BUB3: variants seen among roughly 807,000 people sequenced by gnomAD.
BUB3 encodes BUB3 mitotic checkpoint protein, also known as mitotic checkpoint protein BUB3.
A neutral mutation model predicts 39.9 loss-of-function variants in BUB3; 22 were observed. That is an observed-to-expected ratio of 0.55 (90% CI 0.39 to 0.79). The LOEUF (loss-of-function observed/expected upper bound fraction) is 0.79, where lower values mean the gene tolerates loss of function less well. BUB3 is among the 30% of genes least tolerant of loss of function. The pLI is 0.00. For missense variants in BUB3, 303 were observed against 415.4 expected, an observed-to-expected ratio of 0.73 and a Z score of 2.35; for synonymous variants, 168 against 155.1, an observed-to-expected ratio of 1.08 and a Z score of -0.62.
At position 123,162,565 on chromosome 10, in the gene BUB3, G is replaced by T. The variant is rs200887768; in HGVS notation, c.755-47G>T. The T allele has an allele frequency of 3.2e-4, 497 of 1,564,020 alleles. 1 individual carries two copies. The African/African-American group carries it at 6.1e-3, about 19-fold the overall frequency. On this transcript the variant is annotated intron_variant, in intron 6 of 7. Transcript: ENST00000368865. ...AACTGTTAAGAGAATGGTTATTTCTGTATCTGGTGTTAAGAACCATTTTAA... is the reference window on the plus strand; with the variant it reads ...AACTGTTAAGAGAATGGTTATTTCTTTATCTGGTGTTAAGAACCATTTTAA...
intron 1 of BUB3, among the ~76,000 whole-genome samples, chr10:123,154,697 G>C (rs1844322551): frequency 1.3e-5 from 2 of 152,204 alleles, no homozygotes; most frequent in African/African-American, 4.8e-5. Context: ...CTGGGTTTAG[G>C]GGGACGGCGG....
At chr10:123,156,881 C>G (rs1844355094) in intron 3 of BUB3, among the ~76,000 whole-genome samples, 1 of 152,004 alleles carries the variant, frequency 6.6e-6, no homozygotes. Context: ...GTAGCTGGGA[C>G]TACAGGTGTG....
chr10:123,158,335 T>C (rs1201935921), intron 4 of BUB3, among the ~76,000 whole-genome samples: 1 of 152,242 alleles, frequency 6.6e-6, no homozygotes, highest in Non-Finnish European at 1.5e-5. Flanking sequence ...AAAGGTGTTT[T>C]ATGTTCCCTG....
Position 123,165,285 on chromosome 10 carries a change from TCTGAA to T in BUB3, c.*1452_*1456del, listed in dbSNP as rs536537724. ...TCCCCTAGTAAGCCCAGTTGCTGTA[TCTGAA>T]CAGTTTGAGCTCTTTTTGTAATATA... On this transcript the variant is annotated 3_prime_UTR_variant, in exon 8 of 8. Coordinates refer to ENST00000368865, the MANE Select transcript of BUB3 (RefSeq NM_004725.4). The T allele has an allele frequency of 1.1e-4, 50 of 473,370 alleles. No individual in the cohort carries two copies. Among genetic ancestry groups the T allele is most frequent in the African/African-American group, 9.3e-4 (48 of 51,768 alleles). 29.3% of individuals were successfully genotyped at this position (473,370 alleles called of 1,614,324 possible).
At position 123,155,659 on chromosome 10, in the gene BUB3, A is replaced by C; in HGVS notation, c.197A>C (p.Asp66Ala). Residue 66 changes from aspartate to alanine, a missense_variant and splice_region_variant, in exon 3 of 8, where the codon GAT becomes GCT. By Grantham distance (126) the Asp-to-Ala change is moderately radical. This residue lies in a region of BUB3 where 121 missense variants were observed against 122.3 expected (regional missense o/e 0.99). Coordinates refer to ENST00000368865, the MANE Select transcript of BUB3 (RefSeq NM_004725.4). ...AAACGGTTCAAAACTATTTTATAGG[A>C]TCCAACGCATGCCTGGAGTGGAGGA... ...TGAVLDCAFY[D>A]PTHAWSGGLD... The C allele has an allele frequency of 1.2e-6, 2 of 1,613,924 alleles. No homozygotes were observed. The highest frequency in any genetic ancestry group is 2.2e-5 in the East Asian group (1 of 44,880).
rs187608050 is a variant in BUB3 at position 123,165,880 on chromosome 10, A to G, written c.*2045A>G. ...TTCTTTAGTGTGATTATGTGCTTCT[A>G]AAAGTCCCTAACCACTTGGTTGAGG... is the stretch of plus-strand genomic sequence containing the variant. On this transcript the variant is annotated 3_prime_UTR_variant, in exon 8 of 8. Transcript: ENST00000368865. 14 of 152,334 alleles carry G rather than the reference A, an allele frequency of 9.2e-5. No homozygotes were observed. Among genetic ancestry groups the G allele is most frequent in the African/African-American group, 2.9e-4 (12 of 41,574 alleles). The allele number at this position is 152,334 out of a possible 1,614,324, so 9.4% of individuals were successfully genotyped here.
rs1460383901 is a variant in BUB3, at chr10:123,166,462, T to G, written c.*2627T>G. 6.6e-6 allele frequency: 1 copy of G among 152,218 alleles called. No individual in the cohort carries two copies. The highest frequency in any genetic ancestry group is 1.9e-4 in the East Asian group (1 of 5,200). The allele number at this position is 152,218 out of a possible 1,614,324, so 9.4% of individuals were successfully genotyped here. A position where few individuals can be genotyped will look rare whatever the true frequency, so the allele number is the denominator to read the frequency against. Reference sequence around the variant, plus strand: ...CGATGTATCTGGTGCATGTGTGCATTTTTTTCTTTGCTTTTTAAGAAATCC... The same window carrying G: ...CGATGTATCTGGTGCATGTGTGCATGTTTTTCTTTGCTTTTTAAGAAATCC... On this transcript the variant is annotated 3_prime_UTR_variant, in exon 8 of 8. Transcript: ENST00000368865.
intron 5 of BUB3, among the ~76,000 whole-genome samples, chr10:123,161,363 C>G (rs889933646): frequency 6.6e-6 from 1 of 152,148 alleles, no homozygotes; most frequent in African/African-American, 2.4e-5. Flanking sequence ...AAATGGTGAT[C>G]ACAGTTCCTT....
chr10:123,167,859 C>T lies in BUB3; in HGVS notation c.*4024C>T, dbSNP rs1034064652. ...ACATGTATACATTGTGAAATGATTA[C>T]CACAAGGAGGTTACTAAACATCTCC... is the stretch of plus-strand genomic sequence containing the variant. On this transcript the variant is annotated 3_prime_UTR_variant, in exon 8 of 8. Coordinates refer to ENST00000368865, the MANE Select transcript of BUB3 (RefSeq NM_004725.4). 1 of 152,022 alleles carries T rather than the reference C, an allele frequency of 6.6e-6. No homozygotes were observed. The highest frequency in any genetic ancestry group is 2.4e-5 in the African/African-American group (1 of 41,338). 9.4% of individuals were successfully genotyped at this position (152,022 alleles called of 1,614,324 possible).
In BUB3 at chr10:123,156,053, C is replaced by T. The variant is rs1020612203; in HGVS notation, c.265+326C>T. On this transcript the variant is annotated intron_variant, in intron 3 of 7. Coordinates refer to ENST00000368865, the MANE Select transcript of BUB3 (RefSeq NM_004725.4). Reference sequence around the variant, plus strand: ...AGCGTTTCATTAGGATTTTCCACTACAATGCTGATGTTTTGAGAGTTCAGT... The same window carrying T: ...AGCGTTTCATTAGGATTTTCCACTATAATGCTGATGTTTTGAGAGTTCAGT... Among the ~76,000 whole-genome samples the T allele has an allele frequency of 5.1e-4, 77 of 152,156 alleles. 1 individual carries two copies. Among genetic ancestry groups the T allele is most frequent in the Non-Finnish European group, 9.8e-4 (67 of 68,032 alleles).
At chr10:123,158,118 T>C (rs961724180) in intron 4 of BUB3, among the ~76,000 whole-genome samples, 2 of 152,238 alleles carry the variant, frequency 1.3e-5, no homozygotes. Context: ...TTCCATGTAT[T>C]GTTAATGCTT....
intron 3 of BUB3, among the ~76,000 whole-genome samples, chr10:123,156,933 C>A (rs1369792658): frequency 1.3e-5 from 2 of 151,840 alleles, no homozygotes; most frequent in African/African-American, 4.8e-5. Flanking sequence ...TTAGTAGAGG[C>A]GGGGTTTCAC....
Position 123,155,734 on chromosome 10 carries a change from T to G in BUB3, c.265+7T>G. 1 of 1,612,630 alleles carries G rather than the reference T, an allele frequency of 6.2e-7. No individual in the cohort carries two copies. Among genetic ancestry groups the G allele is most frequent in the Non-Finnish European group, 8.5e-7 (1 of 1,178,612 alleles). ...GATTTGAACACTGATCAAGGTAATG[T>G]GACCATATCTTTACCAGTTTGTTTT... is the stretch of plus-strand genomic sequence containing the variant. On this transcript the variant is annotated splice_region_variant and intron_variant, in intron 3 of 7. Coordinates refer to ENST00000368865, the MANE Select transcript of BUB3 (RefSeq NM_004725.4).
chr10:123,159,989 T>C (rs1002844440), intron 4 of BUB3, among the ~76,000 whole-genome samples: 4 of 152,220 alleles, frequency 2.6e-5, no homozygotes, highest in African/African-American at 9.6e-5. Flanking sequence ...ATGATTGTTT[T>C]ATGAAAAGCC....
chr10:123,160,672 G>A, intron 5 of BUB3, 107 bp downstream of exon 5: 1 of 1,101,652 alleles, frequency 9.1e-7, no homozygotes, highest in Non-Finnish European at 1.2e-6. Flanking sequence ...TTTTTCAGTA[G>A]TGATTTAGAA....
rs1166198898 is a variant in BUB3 at position 123,155,088 on chromosome 10, C to T, written c.171C>T (p.Gly57=). 6.2e-6 allele frequency: 10 copies of T among 1,613,928 alleles called. No homozygotes were observed. The highest frequency in any genetic ancestry group is 8.5e-6 in the Non-Finnish European group (10 of 1,180,006). ...TGCGGCTCAAGTACCAGCACACCGG[C>T]GCCGTCCTGGACTGCGCCTTCTACG... ...NSMRLKYQHT[G]AVLDCAFYDP... The change falls in exon 2 of 8, where the codon GGC becomes GGT. Residue 57 remains glycine (G), a synonymous_variant. Transcript: ENST00000368865.
chr10:123,167,582 T>C lies in BUB3; in HGVS notation c.*3747T>C, dbSNP rs966724308. ...GATATTGCTGAATTATATAGACTCC[T>C]TTTAAAATAATTTGAAATATAATTT... On this transcript the variant is annotated 3_prime_UTR_variant, in exon 8 of 8. Transcript: ENST00000368865. 6.6e-6 allele frequency: 1 copy of C among 152,212 alleles called. No homozygotes were observed. Among genetic ancestry groups the C allele is most frequent in the African/African-American group, 2.4e-5 (1 of 41,442 alleles). The allele number at this position is 152,212 out of a possible 1,614,324, so 9.4% of individuals were successfully genotyped here. A position where few individuals can be genotyped will look rare whatever the true frequency, so the allele number is the denominator to read the frequency against.
rs372686671 is a variant in BUB3 at position 123,162,739 on chromosome 10, G to A, written c.882G>A (p.Ala294=). The A allele has an allele frequency of 1.4e-5, 22 of 1,613,814 alleles. No homozygotes were observed. The highest frequency in any genetic ancestry group is 3.3e-5 in the South Asian group (3 of 91,036). Residue 294 remains alanine, a synonymous_variant, in exon 7 of 8, where the codon GCG becomes GCA. Coordinates refer to ENST00000368865, the MANE Select transcript of BUB3 (RefSeq NM_004725.4). ...FSNDGTTLAI[A]SSYMYEMDDT... is the part of the protein sequence containing the mutation. ...ATGATGGGACTACGCTTGCAATAGC[G>A]TCATCATATATGTATGAAATGGATG...
intron 5 of BUB3, 126 bp from the exon 6 acceptor site, chr10:123,162,110 T>TTAAAGCC (rs1457894835): frequency 1.2e-6 from 1 of 859,860 alleles, no homozygotes; most frequent in Admixed American, 2.3e-5. Context: ...AAACACTTCA[T>TTAAAGCC]TAAAGCCTGC....
Sources: allele counts gnomAD v4.1 joint callset (sites outside exome capture counted in the v4.1 genomes callset), GRCh38; gene constraint gnomAD v4.1.1; regional missense constraint gnomAD v4.1.1; transcripts MANE v1.5; gene names NCBI Gene and HGNC (gene_info 2026-07-23, HGNC 2026-07-21).